Variants in MCC observed in about 807,000 individuals in gnomAD.
MCC encodes the protein MCC regulator of Wnt signaling pathway.
MCC carries 90 observed loss-of-function variants against 116.2 expected under a neutral mutation model. The observed-to-expected ratio is 0.77, with a 90% CI of 0.65 to 0.92. MCC has a LOEUF of 0.92. Ranked by LOEUF, MCC falls within the 40% of genes least tolerant of loss-of-function variation. MCC has a pLI of 0.00. For synonymous variants in MCC, 578 were observed against 510.5 expected (o/e 1.13, Z -1.78); for missense variants, 1,516 against 1,312.2 (o/e 1.16, Z -2.40).
In MCC at chr5:113,249,858, C is replaced by G. The variant is rs143925409; in HGVS notation, c.627+90661G>C. On this transcript the variant is annotated intron_variant, in intron 3 of 18. Coordinates refer to ENST00000408903, the MANE Select transcript of MCC (RefSeq NM_001085377.2). ...ACTCTGGTATCACCCTCTACCCCCA[C>G]GCCTTTGGTTTTACCATCTACTTAA... 1.1e-4 allele frequency among the ~76,000 whole-genome samples: 17 copies of G among 152,322 alleles called. No homozygotes were observed. The East Asian group carries it at 3.3e-3, about 29-fold the overall frequency.
At chr5:113,459,133 A>ATGTGTATGTG (rs762493058) in intron 1 of MCC, among the ~76,000 whole-genome samples, 96 of 68,352 alleles carry the variant, frequency 1.4e-3, no homozygotes, top group African/African-American at 5.4e-3. Context: ...GAGTAAGGAT[A>ATGTGTATGTG]TGTGTGTGTG....
chr5:113,275,443 G>A (rs1411276319), intron 3 of MCC, among the ~76,000 whole-genome samples: 2 of 152,174 alleles, frequency 1.3e-5, no homozygotes, highest in East Asian at 1.9e-4. Flanking sequence ...CACTAGCAAT[G>A]CGTAATTGTA....
At chr5:113,148,951 C>A (rs572578346) in intron 4 of MCC, among the ~76,000 whole-genome samples, 4 of 152,272 alleles carry the variant, frequency 2.6e-5, no homozygotes, top group African/African-American at 9.6e-5. Flanking sequence ...AGAGCTGAAT[C>A]AATCCTTGAC....
chr5:113,152,601 A>T (rs1243569987), intron 3 of MCC, among the ~76,000 whole-genome samples: 1 of 152,216 alleles, frequency 6.6e-6, no homozygotes, highest in Non-Finnish European at 1.5e-5. Flanking sequence ...TTCTCATTTG[A>T]GGCTTAGAAA....
At chr5:113,162,109 T>C (rs1460588077) in intron 3 of MCC, among the ~76,000 whole-genome samples, 1 of 152,126 alleles carries the variant, frequency 6.6e-6, no homozygotes, top group African/African-American at 2.4e-5. Flanking sequence ...TGTGTTTAGA[T>C]AGAAAGAAGG....
chr5:113,256,171 C>A (rs544643541), intron 3 of MCC, among the ~76,000 whole-genome samples: 1 of 152,218 alleles, frequency 6.6e-6, no homozygotes. Context: ...GCTGCACCAA[C>A]CCTATCTCTT....
At chr5:113,145,258 A>G (rs1039521539) in intron 4 of MCC, among the ~76,000 whole-genome samples, 3 of 152,180 alleles carry the variant, frequency 2.0e-5, no homozygotes, top group Non-Finnish European at 2.9e-5. Context: ...GGACACTCTC[A>G]TGCAGGTCAC....
chr5:113,193,172 T>C (rs1762230813), intron 3 of MCC, among the ~76,000 whole-genome samples: 1 of 152,180 alleles, frequency 6.6e-6, no homozygotes, highest in Non-Finnish European at 1.5e-5. Flanking sequence ...CGTTATGACA[T>C]CTTTTTCTTC....
chr5:113,094,709 C>T (rs935174079), intron 8 of MCC, among the ~76,000 whole-genome samples: 13 of 152,150 alleles, frequency 8.5e-5, no homozygotes, highest in Admixed American at 2.0e-4. Context: ...CATGAGCCAC[C>T]GCTCCCGGCC....
chr5:113,082,998 C>G lies in MCC; in HGVS notation c.1646G>C (p.Ser549Thr). 6.2e-7 allele frequency: 1 copy of G among 1,612,064 alleles called. No individual in the cohort carries two copies. Among genetic ancestry groups the G allele is most frequent in the Non-Finnish European group, 8.5e-7 (1 of 1,179,494 alleles). The change falls in exon 11 of 19, where the codon AGT (serine) becomes ACT (threonine). Residue 549 changes from serine (S) to threonine (T), a missense_variant. By Grantham distance (58) the Ser-to-Thr change is moderately conservative. Transcript: ENST00000408903. ...SEISSIGVSS[S>T]VAEHLAHSLQ... is the part of the protein sequence containing the mutation. ...TGAGTGGGCCAGGTGTTCAGCCACACTGCTGGATACCTGCAAAAAGAAGCA... is the reference window on the plus strand; with the variant it reads ...TGAGTGGGCCAGGTGTTCAGCCACAGTGCTGGATACCTGCAAAAAGAAGCA...
At chr5:113,311,380 C>T (rs779175426) in intron 3 of MCC, among the ~76,000 whole-genome samples, 36 of 152,172 alleles carry the variant, frequency 2.4e-4, no homozygotes, top group Non-Finnish European at 3.7e-4. Context: ...TACATATCTG[C>T]CGCTAACGTG....
chr5:113,349,721 A>G (rs1768220497), intron 2 of MCC, among the ~76,000 whole-genome samples: 1 of 152,084 alleles, frequency 6.6e-6, no homozygotes, highest in South Asian at 2.1e-4. Context: ...AAAGATATAA[A>G]GGGCATCCAA....
At chr5:113,072,433 T>C (rs1754103557) in intron 11 of MCC, among the ~76,000 whole-genome samples, 1 of 152,206 alleles carries the variant, frequency 6.6e-6, no homozygotes, top group African/African-American at 2.4e-5. Flanking sequence ...ACTTTTCAAC[T>C]TGCTCCAGTC....
rs1225813372 is a variant in MCC at position 113,434,578 on chromosome 5, T to C, written c.171-49366A>G. ...CCCTGGACCGCGAGCTCCATGACGA[T>C]GTAGACCTTGCCATGTGATGTCTCA... On this transcript the variant is annotated intron_variant, in intron 1 of 18. Coordinates refer to ENST00000408903, the MANE Select transcript of MCC (RefSeq NM_001085377.2). This position sits in a 1 kb window ranked among gnomAD's most constrained non-coding sequence, Gnocchi z 4.2. 12 of 1,613,736 alleles carry C rather than the reference T, an allele frequency of 7.4e-6. No homozygotes were observed. In the South Asian group the frequency reaches 7.7e-5, roughly 10 times the overall value.
intron 3 of MCC, among the ~76,000 whole-genome samples, chr5:113,324,841 T>A (rs1767511498): frequency 6.6e-6 from 1 of 152,058 alleles, no homozygotes; most frequent in Non-Finnish European, 1.5e-5. Flanking sequence ...GGAACTTTTT[T>A]TTTTTTTTGG....
At position 113,023,571 on chromosome 5, in the gene MCC, C is replaced by T. The variant is rs1750309982; in HGVS notation, c.*3731G>A. The T allele has an allele frequency of 6.6e-6, 1 of 152,344 alleles. No individual in the cohort carries two copies. Among genetic ancestry groups the T allele is most frequent in the Non-Finnish European group, 1.5e-5 (1 of 68,030 alleles). 9.4% of individuals were successfully genotyped at this position (152,344 alleles called of 1,614,324 possible). A position where few individuals can be genotyped will look rare whatever the true frequency, so the allele number is the denominator to read the frequency against. The stretch of plus-strand genomic sequence containing the variant: ...GAAATCTCAACCATTACAGAAGTCT[C>T]TTACTATTTTGGCTCTCAAAATACT... On this transcript the variant is annotated 3_prime_UTR_variant, in exon 19 of 19. Transcript: ENST00000408903.
At chr5:113,195,248 G>A (rs1762340076) in intron 3 of MCC, among the ~76,000 whole-genome samples, 2 of 152,160 alleles carry the variant, frequency 1.3e-5, no homozygotes, top group African/African-American at 4.8e-5. Flanking sequence ...TGCTCGGAAG[G>A]GGTGACCAGT....
intron 1 of MCC, among the ~76,000 whole-genome samples, chr5:113,409,261 C>T (rs572304244): frequency 1.4e-4 from 21 of 152,308 alleles, no homozygotes; most frequent in African/African-American, 5.1e-4. Context: ...CATTTCCAGA[C>T]CTTCTTAACA....
At chr5:113,415,453 G>A (rs1770117708) in intron 1 of MCC, among the ~76,000 whole-genome samples, 2 of 152,172 alleles carry the variant, frequency 1.3e-5, no homozygotes, top group East Asian at 1.9e-4. Context: ...TTTCTTGGAG[G>A]CTTTGTTCGT....
Sources: gnomAD v4.1 joint callset for allele counts (sites outside exome capture counted in the v4.1 genomes callset) on GRCh38, gnomAD v4.1.1 for gene constraint, Gnocchi (gnomAD v3.1) non-coding constraint, MANE v1.5 for transcripts, NCBI Gene and HGNC (gene_info 2026-07-23, HGNC 2026-07-21) for gene names.